PHF14: variants seen among roughly 807,000 people sequenced by gnomAD.
PHF14 encodes the protein PHD finger protein 14.
In PHF14, 55 loss-of-function variants were observed where a neutral mutation model predicts 117.9. The observed-to-expected ratio is 0.47, with a 90% CI of 0.38 to 0.58. PHF14 has a LOEUF of 0.58. Ranked by LOEUF, PHF14 falls within the 20% of genes least tolerant of loss-of-function variation. The pLI, the probability that PHF14 is intolerant of heterozygous loss-of-function variation, is 0.00. For missense variants in PHF14, 978 were observed against 1,122.2 expected, an observed-to-expected ratio of 0.87 and a Z score of 1.84; for synonymous variants, 409 against 368.6, an observed-to-expected ratio of 1.11 and a Z score of -1.26.
chr7:11,100,987 A>T (rs1787066613), intron 16 of PHF14, among the ~76,000 whole-genome samples: 1 of 151,870 alleles, frequency 6.6e-6, no homozygotes, highest in South Asian at 2.1e-4. Context: ...TTTGAAAACA[A>T]TTTTTTCTAC....
intron 17 of PHF14, among the ~76,000 whole-genome samples, chr7:11,128,359 A>T (rs1787992812): frequency 6.6e-6 from 1 of 151,970 alleles, no homozygotes; most frequent in Non-Finnish European, 1.5e-5. Flanking sequence ...TTCTCCTCTC[A>T]GCCTTAAAAA....
At chr7:11,124,125 A>G (rs1583484538) in intron 17 of PHF14, among the ~76,000 whole-genome samples, 2 of 152,136 alleles carry the variant, frequency 1.3e-5, no homozygotes, top group African/African-American at 4.8e-5. Context: ...GGTTTTAAAA[A>G]TATTGTAAAA....
intron 16 of PHF14, among the ~76,000 whole-genome samples, chr7:11,093,340 G>T (rs1453466127): frequency 1.3e-5 from 2 of 152,062 alleles, no homozygotes; most frequent in African/African-American, 2.4e-5. Context: ...GAATACTTAC[G>T]CCTGAAAAGG....
chr7:11,022,548 G>A (rs1167161089), intron 5 of PHF14, among the ~76,000 whole-genome samples: 2 of 152,110 alleles, frequency 1.3e-5, no homozygotes, highest in Admixed American at 1.3e-4. Context: ...CATTTGAATA[G>A]TAGTTTTATG....
intron 17 of PHF14, among the ~76,000 whole-genome samples, chr7:11,140,396 A>G (rs973563422): frequency 2.0e-5 from 3 of 152,282 alleles, no homozygotes; most frequent in South Asian, 4.1e-4. Flanking sequence ...ACTGGCCATT[A>G]TAGTACATTA....
rs1040081502 is a variant in PHF14 at position 11,130,383 on chromosome 7, A to G, written c.2772+18916A>G. 6.6e-5 allele frequency among the ~76,000 whole-genome samples: 10 copies of G among 151,998 alleles called. No individual in the cohort carries two copies. Among genetic ancestry groups the G allele is most frequent in the African/African-American group, 1.7e-4 (7 of 41,414 alleles). The stretch of plus-strand genomic sequence containing the variant: ...TGGAGAGAGAGAGAACGTATATACA[A>G]TTTATATGGGGGAAACTGCATAATA... On this transcript the variant is annotated intron_variant, in intron 17 of 17. Transcript: ENST00000634607. This position sits in a 1 kb window ranked among gnomAD's most constrained non-coding sequence, Gnocchi z 4.2.
At chr7:11,105,134 A>T (rs1018523312) in intron 16 of PHF14, 1 of 974,912 alleles carries the variant, frequency 1.0e-6, no homozygotes, top group African/African-American at 1.8e-5. Context: ...TCCTTTTGTT[A>T]TAAAAAGACT....
intron 17 of PHF14, among the ~76,000 whole-genome samples, chr7:11,137,359 A>G (rs956665284): frequency 6.6e-6 from 1 of 151,930 alleles, no homozygotes; most frequent in Non-Finnish European, 1.5e-5. Context: ...TGTGTGTGAC[A>G]GCTCTACACA....
chr7:11,050,655 A>T (rs1214555396), intron 13 of PHF14, among the ~76,000 whole-genome samples: 1 of 152,200 alleles, frequency 6.6e-6, no homozygotes, highest in East Asian at 1.9e-4. Flanking sequence ...TGGACAGCAC[A>T]GATATGTAGA....
intron 3 of PHF14, among the ~76,000 whole-genome samples, chr7:10,989,429 T>G (rs1314308400): frequency 6.6e-6 from 1 of 152,184 alleles, no homozygotes; most frequent in African/African-American, 2.4e-5. Flanking sequence ...TTCTGAATAT[T>G]GTTAGGTTCA....
chr7:11,077,437 C>T (rs893517511), intron 16 of PHF14, among the ~76,000 whole-genome samples: 1 of 151,690 alleles, frequency 6.6e-6, no homozygotes, highest in African/African-American at 2.4e-5. Context: ...CCCGTCTCTA[C>T]TACAAATACA....
In PHF14 at chr7:10,974,158, C is replaced by T. The variant is rs575570418; in HGVS notation, c.-166C>T. ...GCCGGGGGGGCGGGGGGTTAGGGGA[C>T]CGCGGGGCTACTCTTGGGAGCGCCC... On this transcript the variant is annotated 5_prime_UTR_variant, in exon 1 of 18. Coordinates refer to ENST00000634607, the MANE Select transcript of PHF14 (RefSeq NM_001007157.2). The T allele has an allele frequency of 6.3e-6, 4 of 637,574 alleles. No homozygotes were observed. Among genetic ancestry groups the T allele is most frequent in the African/African-American group, 5.4e-5 (3 of 55,254 alleles). The allele number at this position is 637,574 out of a possible 1,614,324, so 39.5% of individuals were successfully genotyped here.
intron 13 of PHF14, among the ~76,000 whole-genome samples, chr7:11,043,765 G>A (rs1455630881): frequency 6.6e-6 from 1 of 152,010 alleles, no homozygotes; most frequent in African/African-American, 2.4e-5. Flanking sequence ...TGGTTTTTAT[G>A]TGCTTCAGAA....
At chr7:11,122,412 C>T (rs904195929) in intron 17 of PHF14, among the ~76,000 whole-genome samples, 7 of 119,584 alleles carry the variant, frequency 5.9e-5, no homozygotes, top group Non-Finnish European at 8.8e-5. Context: ...TATATATACA[C>T]GTATATATAT....
At chr7:11,066,605 C>T (rs1044883087) in intron 16 of PHF14, among the ~76,000 whole-genome samples, 3 of 152,098 alleles carry the variant, frequency 2.0e-5, no homozygotes, top group Non-Finnish European at 1.5e-5. Flanking sequence ...TATATGGTTT[C>T]AGGTAGAGTT....
chr7:10,993,766 T>C (rs547114155), intron 4 of PHF14, among the ~76,000 whole-genome samples: 4 of 152,142 alleles, frequency 2.6e-5, no homozygotes, highest in Non-Finnish European at 5.9e-5. Context: ...CCCAGCACTT[T>C]GGGAGGCCAA....
chr7:11,124,936 A>T lies in PHF14; in HGVS notation c.2772+13469A>T, dbSNP rs1787879841. Among the ~76,000 whole-genome samples, 3 of 152,140 alleles carry T rather than the reference A, an allele frequency of 2.0e-5. No homozygotes were observed. The South Asian group carries it at 6.2e-4, about 31-fold the overall frequency. ...TCTTTCTAATGGATAGGGGAATAAA[A>T]CACAAAGATATTTTAAAACAAATAA... On this transcript the variant is annotated intron_variant, in intron 17 of 17. Coordinates refer to ENST00000634607, the MANE Select transcript of PHF14 (RefSeq NM_001007157.2).
At chr7:11,008,010 A>G (rs540467749) in intron 4 of PHF14, among the ~76,000 whole-genome samples, 2 of 152,264 alleles carry the variant, frequency 1.3e-5, no homozygotes, top group African/African-American at 4.8e-5. Flanking sequence ...TTCTAATATT[A>G]GGGTACCTCT....
At chr7:11,116,256 G>C (rs891990736) in intron 17 of PHF14, among the ~76,000 whole-genome samples, 1 of 151,892 alleles carries the variant, frequency 6.6e-6, no homozygotes, top group Non-Finnish European at 1.5e-5. Flanking sequence ...CTTATCTACT[G>C]TCTCTATCTC....
Sources: allele counts gnomAD v4.1 joint callset (sites outside exome capture counted in the v4.1 genomes callset), GRCh38; gene constraint gnomAD v4.1.1; non-coding constraint Gnocchi (gnomAD v3.1); transcripts MANE v1.5; gene names NCBI Gene and HGNC (gene_info 2026-07-23, HGNC 2026-07-21).